SHISA6: variants seen among roughly 807,000 people sequenced by gnomAD.
SHISA6 encodes the protein protein shisa-6.
SHISA6 carries 22 observed loss-of-function variants against 47.9 expected under a neutral mutation model. The observed-to-expected ratio is 0.46, with a 90% CI of 0.33 to 0.66. SHISA6 has a LOEUF of 0.66. Ranked by LOEUF, SHISA6 falls within the 30% of genes least tolerant of loss-of-function variation. The pLI is 0.02. For synonymous variants in SHISA6, 388 were observed against 337.8 expected (o/e 1.15, Z -1.63); for missense variants, 680 against 764.6 (o/e 0.89, Z 1.30).
intron 3 of SHISA6, among the ~76,000 whole-genome samples, chr17:11,449,471 GA>G (rs1481092537): frequency 1.3e-5 from 2 of 151,796 alleles, no homozygotes; most frequent in Admixed American, 6.6e-5. Context: ...AGAAAAAAAA[GA>G]AAAAAATTGA....
intron 3 of SHISA6, among the ~76,000 whole-genome samples, chr17:11,423,669 A>G (rs1222551935): frequency 2.2e-4 from 33 of 152,198 alleles, no homozygotes; most frequent in Admixed American, 2.2e-3. Flanking sequence ...ACGTTCCACA[A>G]AAGATCAGTT....
At chr17:11,429,032 G>A (rs974650587) in intron 3 of SHISA6, among the ~76,000 whole-genome samples, 9 of 151,898 alleles carry the variant, frequency 5.9e-5, no homozygotes, top group African/African-American at 1.5e-4. Flanking sequence ...CCCGTGATCC[G>A]CCTGCCTCGG....
intron 2 of SHISA6, among the ~76,000 whole-genome samples, chr17:11,339,432 C>CG (rs1296588882): frequency 1.3e-5 from 2 of 151,838 alleles, no homozygotes; most frequent in African/African-American, 4.8e-5. Context: ...CTACACCCCC[C>CG]CTCCTTTTTG....
intron 3 of SHISA6, among the ~76,000 whole-genome samples, chr17:11,409,656 A>G (rs1914061571): frequency 6.7e-6 from 1 of 149,418 alleles, no homozygotes; most frequent in African/African-American, 2.5e-5. Context: ...GTGAGCCGAG[A>G]TCGTGCCATC....
At chr17:11,388,815 TATATATATATATATATATA>T (rs1567592124) in intron 3 of SHISA6, among the ~76,000 whole-genome samples, 6 of 102,442 alleles carry the variant, frequency 5.9e-5, no homozygotes, top group South Asian at 4.0e-4. Flanking sequence ...TATATATATA[TATATATATATATATATATA>T]TATATATTTT....
chr17:11,361,204 A>G (rs1042754962), intron 2 of SHISA6, among the ~76,000 whole-genome samples: 1 of 150,498 alleles, frequency 6.6e-6, no homozygotes, highest in African/African-American at 2.4e-5. Context: ...TTTTTTCCAG[A>G]TAGATTTTGG....
At chr17:11,551,301 C>T (rs1257389120) in intron 3 of SHISA6, among the ~76,000 whole-genome samples, 1 of 152,088 alleles carries the variant, frequency 6.6e-6, no homozygotes, top group Non-Finnish European at 1.5e-5. Flanking sequence ...AAAGGAAATG[C>T]CTTTGAACTA....
At chr17:11,492,194 G>A (rs1014380013) in intron 3 of SHISA6, among the ~76,000 whole-genome samples, 2 of 152,172 alleles carry the variant, frequency 1.3e-5, no homozygotes, top group African/African-American at 2.4e-5. Context: ...CCCAGTCAAA[G>A]AAGGATGAGG....
At chr17:11,509,700 A>C (rs1443241912) in intron 3 of SHISA6, among the ~76,000 whole-genome samples, 1 of 152,218 alleles carries the variant, frequency 6.6e-6, no homozygotes, top group African/African-American at 2.4e-5. Context: ...AGCAAGAAAC[A>C]CAAGGCTAGA....
In SHISA6 at chr17:11,241,705, T is replaced by TG; in HGVS notation, c.287dup (p.Tyr97LeufsTer15). The TG allele has an allele frequency of 6.5e-7, 1 of 1,538,098 alleles. No individual in the cohort carries two copies. Among genetic ancestry groups the TG allele is most frequent in the Non-Finnish European group, 8.7e-7 (1 of 1,146,404 alleles). On this transcript the variant is annotated frameshift_variant, in exon 1 of 6. Transcript: ENST00000441885. LOFTEE classifies it high-confidence loss of function. The surrounding 1 kb of genome is among the most constrained non-coding windows in gnomAD (Gnocchi z 5.5). ...CGCGGCCGTCACCTACGAGACGTGC[T>TG]GGGGCTACTACGACGTGAGCGGCCA...
chr17:11,342,277 C>G (rs1911558976), intron 2 of SHISA6, among the ~76,000 whole-genome samples: 1 of 152,000 alleles, frequency 6.6e-6, no homozygotes, highest in Non-Finnish European at 1.5e-5. Context: ...CTGGGAGGGG[C>G]AGTCTGTGAG....
chr17:11,551,091 T>A (rs2071928258), intron 3 of SHISA6, among the ~76,000 whole-genome samples: 1 of 152,204 alleles, frequency 6.6e-6, no homozygotes, highest in Admixed American at 6.5e-5. Context: ...TTAGTTGAAA[T>A]CAGATACATG....
At chr17:11,501,693 A>G (rs1403761933) in intron 3 of SHISA6, among the ~76,000 whole-genome samples, 1 of 152,050 alleles carries the variant, frequency 6.6e-6, no homozygotes, top group African/African-American at 2.4e-5. Context: ...GGCAACAGAG[A>G]AGACAGAGAG....
intron 1 of SHISA6, among the ~76,000 whole-genome samples, chr17:11,258,032 A>G (rs538375124): frequency 6.6e-6 from 1 of 152,366 alleles, no homozygotes; most frequent in Admixed American, 6.5e-5. Flanking sequence ...ATACTTAATT[A>G]GGCAGGAATG....
intron 1 of SHISA6, among the ~76,000 whole-genome samples, chr17:11,248,754 G>C (rs544497404): frequency 9.2e-5 from 14 of 152,174 alleles, no homozygotes; most frequent in African/African-American, 3.1e-4. Flanking sequence ...TGAGTAATGC[G>C]GACTATTGAA....
chr17:11,529,175 A>G (rs1054681572), intron 3 of SHISA6, among the ~76,000 whole-genome samples: 1 of 151,894 alleles, frequency 6.6e-6, no homozygotes, highest in Non-Finnish European at 1.5e-5. Flanking sequence ...CCTGGGTGAC[A>G]GTGTGAGACT....
At chr17:11,521,906 G>A (rs1475622510) in intron 3 of SHISA6, among the ~76,000 whole-genome samples, 1 of 151,996 alleles carries the variant, frequency 6.6e-6, no homozygotes, top group African/African-American at 2.4e-5. Context: ...TCTACTTAGA[G>A]ATATATACAG....
intron 3 of SHISA6, among the ~76,000 whole-genome samples, chr17:11,535,907 GGT>G (rs1043131742): frequency 1.3e-4 from 18 of 140,518 alleles, no homozygotes; most frequent in African/African-American, 4.3e-4. Context: ...GTGTGTGTGT[GGT>G]GTGTGTGTAT....
chr17:11,372,936 T>C (rs750291844), intron 2 of SHISA6, among the ~76,000 whole-genome samples: 9 of 152,142 alleles, frequency 5.9e-5, no homozygotes, highest in African/African-American at 9.7e-5. Flanking sequence ...CTTTCGGTTT[T>C]ATTTCATGAC....
Sources: gnomAD v4.1 joint callset for allele counts (sites outside exome capture counted in the v4.1 genomes callset) on GRCh38, gnomAD v4.1.1 for gene constraint, Gnocchi (gnomAD v3.1) non-coding constraint, MANE v1.5 for transcripts, NCBI Gene and HGNC (gene_info 2026-07-23, HGNC 2026-07-21) for gene names.